Variants in LAYN observed in about 807,000 individuals in gnomAD.
LAYN encodes layilin.
LAYN carries 38 observed loss-of-function variants against 43.6 expected under a neutral mutation model. That is an observed-to-expected ratio of 0.87 (90% CI 0.67 to 1.14). LAYN has a LOEUF of 1.14. LAYN is among the 50% of genes most tolerant of loss of function. LAYN has a pLI of 0.00. For synonymous variants in LAYN, 168 were observed against 172.9 expected (o/e 0.97, Z 0.22); for missense variants, 479 against 463.8 (o/e 1.03, Z -0.30).
chr11:111,557,146 G>A (rs1158857948), intron 5 of LAYN, among the ~76,000 whole-genome samples: 1 of 151,286 alleles, frequency 6.6e-6, no homozygotes, highest in Non-Finnish European at 1.5e-5. Context: ...TTTACTAAGG[G>A]AGGACAAGAA....
At position 111,545,364 on chromosome 11, in the gene LAYN, G is replaced by T. The variant is rs56681844; in HGVS notation, c.383+1144G>T. 3.0e-3 allele frequency among the ~76,000 whole-genome samples: 457 copies of T among 152,262 alleles called. 2 individuals carry two copies. The highest frequency in any genetic ancestry group is 0.01 in the African/African-American group (429 of 41,542). On this transcript the variant is annotated intron_variant, in intron 2 of 6. Coordinates refer to ENST00000375614, the MANE Select transcript of LAYN (RefSeq NM_178834.5). ...GTCTCAACGGTTGACCTTGTGGCAT[G>T]ATCCACATCCTCATATCTGAAGAAT...
rs1242150925 is a variant in LAYN, at chr11:111,543,992, G to A, written c.155G>A (p.Arg52Gln). 6.2e-6 allele frequency: 10 copies of A among 1,614,082 alleles called. No homozygotes were observed. Among genetic ancestry groups the A allele is most frequent in the African/African-American group, 1.3e-5 (1 of 74,924 alleles). Residue 52 changes from arginine to glutamine, a missense_variant, in exon 2 of 7, where the codon CGA becomes CAA. Physicochemically the swap from Arg to Gln is conservative, Grantham distance 43. Transcript: ENST00000375614. ...YKVIYFHDTSRRLNFEEAKEA... is the reference protein window; with the variant it reads ...YKVIYFHDTSQRLNFEEAKEA... ...GTCATTTACTTCCATGATACTTCTC[G>A]AAGACTGAACTTTGAGGAAGCCAAA...
At chr11:111,544,349 A>G in intron 2 of LAYN, 129 bp downstream of exon 2, 1 of 907,868 alleles carries the variant, frequency 1.1e-6, no homozygotes, top group Non-Finnish European at 1.6e-6. Context: ...GGAAAGTAGC[A>G]CCAGAATAGC....
Position 111,560,258 on chromosome 11 carries a change from G to C in LAYN, c.925G>C (p.Val309Leu). The change falls in exon 7 of 7, where the codon GTG becomes CTG. Residue 309 changes from valine (V) to leucine (L), a missense_variant. Val to Leu is a conservative substitution (Grantham distance 32, BLOSUM62 1). Coordinates refer to ENST00000375614, the MANE Select transcript of LAYN (RefSeq NM_178834.5). ...AGACCTGAAGAATATTTCATTCCGAGTGTGTTCGGGAGAAGCCACTCCCGA... is the reference window on the plus strand; with the variant it reads ...AGACCTGAAGAATATTTCATTCCGACTGTGTTCGGGAGAAGCCACTCCCGA... ...RPDLKNISFR[V>L]CSGEATPDDM... is the part of the protein sequence containing the mutation. The C allele has an allele frequency of 3.7e-6, 6 of 1,614,210 alleles. No individual in the cohort carries two copies. The highest frequency in any genetic ancestry group is 1.3e-5 in the African/African-American group (1 of 75,046).
At chr11:111,548,816 T>G (rs1184670704) in intron 2 of LAYN, among the ~76,000 whole-genome samples, 1 of 152,180 alleles carries the variant, frequency 6.6e-6, no homozygotes, top group African/African-American at 2.4e-5. Flanking sequence ...AGCCCAGCCC[T>G]GAGTCAGCAC....
rs200578625 is a variant in LAYN at position 111,544,001 on chromosome 11, A to T, written c.164A>T (p.Asn55Ile). ...TTCCATGATACTTCTCGAAGACTGA[A>T]CTTTGAGGAAGCCAAAGAAGCCTGC... ...IYFHDTSRRL[N>I]FEEAKEACRR... Residue 55 changes from asparagine to isoleucine, a missense_variant, in exon 2 of 7, where the codon AAC (asparagine) becomes ATC (isoleucine). Asn to Ile is a moderately radical substitution (Grantham distance 149). Coordinates refer to ENST00000375614, the MANE Select transcript of LAYN (RefSeq NM_178834.5). The T allele has an allele frequency of 4.6e-5, 75 of 1,614,088 alleles. No individual in the cohort carries two copies. Among genetic ancestry groups the T allele is most frequent in the Non-Finnish European group, 4.0e-5 (47 of 1,180,042 alleles).
At chr11:111,557,708 C>T in intron 6 of LAYN, 65 bp downstream of exon 6, 4 of 1,315,818 alleles carry the variant, frequency 3.0e-6, no homozygotes, top group Non-Finnish European at 4.4e-6. Context: ...TGGATATTGC[C>T]TTGTTTACTT....
chr11:111,556,013 G>T (rs556297371), intron 5 of LAYN, among the ~76,000 whole-genome samples: 1 of 152,278 alleles, frequency 6.6e-6, no homozygotes, highest in Admixed American at 6.5e-5. Flanking sequence ...TACCAAGACT[G>T]CCCTCACTTC....
At chr11:111,558,546 C>G (rs1867884412) in intron 6 of LAYN, among the ~76,000 whole-genome samples, 1 of 151,742 alleles carries the variant, frequency 6.6e-6, no homozygotes, top group Non-Finnish European at 1.5e-5. Context: ...GAATTTAGTT[C>G]AAAAAATTAC....
At chr11:111,541,455 A>C in intron 1 of LAYN, 2 of 1,107,170 alleles carry the variant, frequency 1.8e-6, no homozygotes, top group Non-Finnish European at 2.6e-6. Flanking sequence ...AGCGCCCGGT[A>C]TGAGAGCGCT....
chr11:111,560,674 C>T lies in LAYN; in HGVS notation c.*216C>T. 1.8e-6 allele frequency: 1 copy of T among 553,238 alleles called. No individual in the cohort carries two copies. The highest frequency in any genetic ancestry group is 2.3e-5 in the South Asian group (1 of 42,786). 34.3% of individuals were successfully genotyped at this position (553,238 alleles called of 1,614,324 possible). A position where few individuals can be genotyped will look rare whatever the true frequency, so the allele number is the denominator to read the frequency against. On this transcript the variant is annotated 3_prime_UTR_variant, in exon 7 of 7. Coordinates refer to ENST00000375614, the MANE Select transcript of LAYN (RefSeq NM_178834.5). Reference sequence around the variant, plus strand: ...TCCAGCTCGACCTTATGAGAAGGTACCTTGCCCAGGTCTGGCACATAGTAG... The same window carrying T: ...TCCAGCTCGACCTTATGAGAAGGTATCTTGCCCAGGTCTGGCACATAGTAG...
Position 111,560,472 on chromosome 11 carries a change from C to T in LAYN, c.*14C>T. 1 of 1,588,008 alleles carries T rather than the reference C, an allele frequency of 6.3e-7. No homozygotes were observed. The highest frequency in any genetic ancestry group is 8.6e-7 in the Non-Finnish European group (1 of 1,168,622). On this transcript the variant is annotated 3_prime_UTR_variant, in exon 7 of 7. Coordinates refer to ENST00000375614, the MANE Select transcript of LAYN (RefSeq NM_178834.5). ...TATGGTTATTAGGACATATAAAAAA[C>T]TGAAACTGACAACAATGGAAAAGAA...
At chr11:111,559,738 C>T (rs1867917729) in intron 6 of LAYN, among the ~76,000 whole-genome samples, 1 of 152,070 alleles carries the variant, frequency 6.6e-6, no homozygotes, top group African/African-American at 2.4e-5. Flanking sequence ...GGATTACAGG[C>T]GTGGGCCACT....
At chr11:111,553,221 C>T (rs924127638) in intron 3 of LAYN, among the ~76,000 whole-genome samples, 7 of 151,418 alleles carry the variant, frequency 4.6e-5, no homozygotes, top group Non-Finnish European at 8.8e-5. Context: ...CTAGCCTGGG[C>T]GACAGACTGA....
intron 3 of LAYN, among the ~76,000 whole-genome samples, chr11:111,552,461 G>A (rs1024009764): frequency 6.6e-6 from 1 of 152,234 alleles, no homozygotes; most frequent in Non-Finnish European, 1.5e-5. Context: ...AGAGTGGCAA[G>A]GAACTGGGTG....
intron 2 of LAYN, among the ~76,000 whole-genome samples, chr11:111,544,464 C>T (rs1304336872): frequency 6.6e-6 from 1 of 152,226 alleles, no homozygotes; most frequent in African/African-American, 2.4e-5. Flanking sequence ...CTTGTTTCAA[C>T]AGCATATAAT....
At chr11:111,548,739 T>G (rs1447024501) in intron 2 of LAYN, among the ~76,000 whole-genome samples, 2 of 152,314 alleles carry the variant, frequency 1.3e-5, no homozygotes, top group South Asian at 2.1e-4. Flanking sequence ...TTGCCTGCTC[T>G]GAGCATCAGA....
chr11:111,545,953 G>A (rs935039282), intron 2 of LAYN, among the ~76,000 whole-genome samples: 18 of 152,350 alleles, frequency 1.2e-4, no homozygotes, highest in African/African-American at 3.8e-4. Flanking sequence ...CTTAGCATTG[G>A]TTTCTGTTGC....
At chr11:111,555,414 T>C in intron 5 of LAYN, 124 bp downstream of exon 5, 1 of 664,692 alleles carries the variant, frequency 1.5e-6, no homozygotes, top group Non-Finnish European at 2.6e-6. Context: ...AGACAGGGCA[T>C]GTGTGGCTTT....
Sources: allele counts gnomAD v4.1 joint callset (sites outside exome capture counted in the v4.1 genomes callset), GRCh38; gene constraint gnomAD v4.1.1; transcripts MANE v1.5; gene names NCBI Gene and HGNC (gene_info 2026-07-23, HGNC 2026-07-21).